SPC25: variants seen among roughly 807,000 people sequenced by gnomAD.
The protein encoded by SPC25 is kinetochore protein Spc25.
Under a neutral mutation model 29.6 loss-of-function variants are expected in SPC25, and 22 were observed. The ratio of observed to expected loss-of-function variants is 0.74; its 90% CI spans 0.53 to 1.06. SPC25 has a LOEUF of 1.06. SPC25 is among the 50% of genes least tolerant of loss of function. SPC25 has a pLI of 0.00. For synonymous variants in SPC25, 91 were observed against 90.4 expected, an observed-to-expected ratio of 1.01 and a Z score of -0.04; for missense variants, 230 against 255.8, an observed-to-expected ratio of 0.90 and a Z score of 0.69.
chr2:168,885,187 C>T (rs1201636941), intron 3 of SPC25, among the ~76,000 whole-genome samples: 3 of 152,128 alleles, frequency 2.0e-5, no homozygotes, highest in Non-Finnish European at 4.4e-5. Context: ...TAAAAACATG[C>T]TCCTCCTCTC....
intron 4 of SPC25, chr2:168,864,997 A>G (rs1689774558): frequency 7.4e-6 from 12 of 1,612,054 alleles, no homozygotes; most frequent in Non-Finnish European, 8.5e-6. Flanking sequence ...TACTACCTTC[A>G]CACTCGGTAA....
At chr2:168,889,056 T>TACATATATAC (rs1239690855) in intron 3 of SPC25, among the ~76,000 whole-genome samples, 170 bp downstream of exon 3, 27 of 100,540 alleles carry the variant, frequency 2.7e-4, no homozygotes, top group South Asian at 4.4e-4. Context: ...CACATATATA[T>TACATATATAC]ACATATATAT....
chr2:168,861,947 T>TTATC (rs1689479988), intron 4 of SPC25: 1 of 1,613,270 alleles, frequency 6.2e-7, no homozygotes, highest in East Asian at 2.2e-5. Flanking sequence ...AATTACAGCT[T>TTATC]TATCTATTTC....
rs540046254 is a variant in SPC25, at chr2:168,877,313, C to T, written c.271G>A (p.Gly91Ser). ...AGTACTTCCAATTCCTGCTTTTTGC[C>T]TTTTACTTCAGCAATCAATTTTAAC... ...NLLKLIAEVK[G>S]KKQELEVLTA... The change falls in exon 4 of 7, where the codon GGC (glycine) becomes AGC (serine). Residue 91 changes from glycine (G) to serine (S), a missense_variant. Coordinates refer to ENST00000282074, the MANE Select transcript of SPC25 (RefSeq NM_020675.4). The T allele has an allele frequency of 5.0e-6, 8 of 1,613,660 alleles. No individual in the cohort carries two copies. In the South Asian group the frequency reaches 8.8e-5, roughly 18 times the overall value.
chr2:168,868,825 A>C (rs1490061361), downstream of SPC25, among the ~76,000 whole-genome samples: 3 of 152,218 alleles, frequency 2.0e-5, no homozygotes, highest in African/African-American at 7.2e-5. Context: ...CAGTCAATAG[A>C]AAAAGAGGGA....
Position 168,877,282 on chromosome 2 carries a change from G to A in SPC25, c.302C>T (p.Ala101Val). ...GKKQELEVLT[A>V]NIQDLKEEYS... The stretch of plus-strand genomic sequence containing the variant: ...TTCTTCCTTAAGATCCTGGATATTT[G>A]CAGTCAGTACTTCCAATTCCTGCTT... The change falls in exon 4 of 7, where the codon GCA (alanine) becomes GTA (valine). Residue 101 changes from alanine to valine, a missense_variant. By Grantham distance (64) the Ala-to-Val change is moderately conservative (BLOSUM62 0). Transcript: ENST00000282074. The A allele has an allele frequency of 1.2e-6, 2 of 1,613,598 alleles. No individual in the cohort carries two copies. Among genetic ancestry groups the A allele is most frequent in the Non-Finnish European group, 1.7e-6 (2 of 1,179,754 alleles).
chr2:168,878,605 A>G (rs1017786822), intron 3 of SPC25, among the ~76,000 whole-genome samples: 4 of 152,242 alleles, frequency 2.6e-5, no homozygotes, highest in African/African-American at 4.8e-5. Flanking sequence ...ATTTTTCATT[A>G]TATGTAGACA....
chr2:168,875,609 A>G (rs1690071278), intron 5 of SPC25, among the ~76,000 whole-genome samples: 1 of 152,172 alleles, frequency 6.6e-6, no homozygotes, highest in Non-Finnish European at 1.5e-5. Flanking sequence ...GAACATGGGT[A>G]ACAGAAACCG....
chr2:168,866,231 G>C (rs1162515581), downstream of SPC25, among the ~76,000 whole-genome samples: 4 of 152,304 alleles, frequency 2.6e-5, no homozygotes, highest in Non-Finnish European at 5.9e-5. Context: ...TATCCTACAA[G>C]GCTACAGTAA....
At chr2:168,863,714 G>A (rs903451882) in intron 4 of SPC25, 2 of 916,816 alleles carry the variant, frequency 2.2e-6, no homozygotes, top group African/African-American at 3.6e-5. Flanking sequence ...GGATAATGCA[G>A]AGACATTGTC....
At chr2:168,888,291 C>T (rs1011629972) in intron 3 of SPC25, among the ~76,000 whole-genome samples, 1 of 151,926 alleles carries the variant, frequency 6.6e-6, no homozygotes, top group Non-Finnish European at 1.5e-5. Flanking sequence ...CACGGTGGCT[C>T]ACGCCTGTAA....
At chr2:168,871,634 C>T (rs1314845486) in intron 6 of SPC25, 79 bp from the exon 7 acceptor site, 5 of 1,308,496 alleles carry the variant, frequency 3.8e-6, no homozygotes, top group South Asian at 1.6e-5. Flanking sequence ...AATCTAGATG[C>T]TCTCATCTGG....
At chr2:168,877,539 GA>G (rs942986999) in intron 3 of SPC25, among the ~76,000 whole-genome samples, 155 bp from the exon 4 acceptor site, 9 of 150,974 alleles carry the variant, frequency 6.0e-5, no homozygotes, top group South Asian at 2.1e-4. Flanking sequence ...AGACAAAAAA[GA>G]AAAAAAACCT....
intron 4 of SPC25, chr2:168,865,246 C>T (rs1423062336): frequency 3.1e-6 from 1 of 318,806 alleles, no homozygotes; most frequent in Non-Finnish European, 5.8e-6. Flanking sequence ...CCCCTGGTGT[C>T]ACAGAAACAG....
Position 168,889,070 on chromosome 2 carries a change from C to CACATATATACATATATACATATATAT in SPC25, c.199+155_199+156insATATATATGTATATATGTATATATGT, listed in dbSNP as rs1559158797. 6.0e-3 allele frequency among the ~76,000 whole-genome samples: 373 copies of CACATATATACATATATACATATATAT among 61,866 alleles called. 27 individuals carry two copies. In the East Asian group the frequency reaches 0.18, roughly 29 times the overall value. The allele number at this position is 61,866 out of a possible 152,430, so 40.6% of individuals were successfully genotyped here. ...ACACATATATATACATATATATATACACATATATATACATATATATACACA... is the reference window on the plus strand; with the variant it reads ...ACACATATATATACATATATATATACACATATATACATATATACATATATATACATATATATACATATATATACACA... On this transcript the variant is annotated intron_variant, in intron 3 of 6. Transcript: ENST00000282074.
Position 168,890,327 on chromosome 2 carries a change from C to A in SPC25, c.-24G>T, listed in dbSNP as rs1690373971. 1 of 985,532 alleles carries A rather than the reference C, an allele frequency of 1.0e-6. No homozygotes were observed. The highest frequency in any genetic ancestry group is 4.7e-5 in the South Asian group (1 of 21,286). The allele number at this position is 985,532 out of a possible 1,614,324, so 61.0% of individuals were successfully genotyped here. A position where few individuals can be genotyped will look rare whatever the true frequency, so the allele number is the denominator to read the frequency against. ...CGCCCAACTCCCTTACCTTCGCAGG[C>A]AGGCCTGAGTCCCGCCGCCTTCCCC... On this transcript the variant is annotated 5_prime_UTR_variant, in exon 1 of 7. Transcript: ENST00000282074.
chr2:168,869,404 A>G (rs2105818897), downstream of SPC25, among the ~76,000 whole-genome samples: 1 of 152,356 alleles, frequency 6.6e-6, no homozygotes, highest in Non-Finnish European at 1.5e-5. Context: ...TTAGGAAAAG[A>G]GGAACTCAAA....
rs556775882 is a variant in SPC25 at position 168,863,917 on chromosome 2, A to AT, written n.419+9667dup. On this transcript the variant is annotated intron_variant and non_coding_transcript_variant, in intron 4 of 4. Transcript: ENST00000479309. ...ATATGATCCAACGTGATCTTTTTTT[A>AT]TTTTTTTTTTTGAGGCAGAGTCTTG... Among the ~76,000 whole-genome samples, 1,398 of 147,760 alleles carry AT rather than the reference A, an allele frequency of 9.5e-3. 9 individuals carry two copies. The highest frequency in any genetic ancestry group is 0.032 in the Middle Eastern group (9 of 284).
At chr2:168,882,624 A>C (rs112552062) in intron 3 of SPC25, among the ~76,000 whole-genome samples, 1 of 151,952 alleles carries the variant, frequency 6.6e-6, no homozygotes, top group African/African-American at 2.4e-5. Flanking sequence ...TAAATAAATA[A>C]ACAGACAGAC....
Sources: gnomAD v4.1 joint callset for allele counts (sites outside exome capture counted in the v4.1 genomes callset) on GRCh38, gnomAD v4.1.1 for gene constraint, MANE v1.5 for transcripts, NCBI Gene and HGNC (gene_info 2026-07-23, HGNC 2026-07-21) for gene names.